Variants in ZFPM2 observed in about 807,000 individuals in gnomAD.
ZFPM2 encodes the protein zinc finger protein ZFPM2.
Under a neutral mutation model 98.6 loss-of-function variants are expected in ZFPM2, and 20 were observed. The ratio of observed to expected loss-of-function variants is 0.20; its 90% CI spans 0.14 to 0.29. ZFPM2 has a LOEUF of 0.29. ZFPM2 is among the 10% of genes least tolerant of loss of function. The pLI, the probability that ZFPM2 is intolerant of heterozygous loss-of-function variation, is 1.00. For synonymous variants in ZFPM2, 518 were observed against 502.7 expected, an observed-to-expected ratio of 1.03 and a Z score of -0.41; for missense variants, 1,310 against 1,388.6, an observed-to-expected ratio of 0.94 and a Z score of 0.90.
At chr8:105,502,857 G>A (rs1309895724) in intron 3 of ZFPM2, among the ~76,000 whole-genome samples, 1 of 152,112 alleles carries the variant, frequency 6.6e-6, no homozygotes. Context: ...CATACTCCAC[G>A]GTTGATTATC....
Position 105,754,103 on chromosome 8 carries a change from G to A in ZFPM2, c.533-34615G>A, listed in dbSNP as rs538126773. Among the ~76,000 whole-genome samples the A allele has an allele frequency of 7.2e-5, 11 of 152,172 alleles. No individual in the cohort carries two copies. The East Asian group carries it at 1.9e-3, about 27-fold the overall frequency. The stretch of plus-strand genomic sequence containing the variant: ...TTCTCATCAGTACTGTAGGAATAAG[G>A]CACACTGGCAATTCACCTTTTTTCC... On this transcript the variant is annotated intron_variant, in intron 5 of 7. Transcript: ENST00000407775.
chr8:105,513,026 A>G (rs1431022018), intron 3 of ZFPM2, among the ~76,000 whole-genome samples: 1 of 152,192 alleles, frequency 6.6e-6, no homozygotes, highest in Non-Finnish European at 1.5e-5. Flanking sequence ...TTAACTCTAC[A>G]TGATCAATGG....
intron 5 of ZFPM2, among the ~76,000 whole-genome samples, chr8:105,650,606 C>A (rs1817151282): frequency 6.6e-6 from 1 of 152,136 alleles, no homozygotes; most frequent in Non-Finnish European, 1.5e-5. Flanking sequence ...CAAAGAACAT[C>A]TTTATTTCTG....
At chr8:105,394,892 A>G (rs1449104858) in intron 1 of ZFPM2, among the ~76,000 whole-genome samples, 1 of 152,160 alleles carries the variant, frequency 6.6e-6, no homozygotes, top group Non-Finnish European at 1.5e-5. Flanking sequence ...GAAACAAGGG[A>G]TGCCTGTTTG....
intron 1 of ZFPM2, among the ~76,000 whole-genome samples, chr8:105,345,635 G>A (rs987288233): frequency 3.9e-5 from 6 of 151,952 alleles, no homozygotes; most frequent in Non-Finnish European, 1.5e-5. Flanking sequence ...ACTAGTTGAA[G>A]AGGAAGACAT....
At chr8:105,705,989 C>G (rs1357725865) in intron 5 of ZFPM2, among the ~76,000 whole-genome samples, 1 of 152,036 alleles carries the variant, frequency 6.6e-6, no homozygotes, top group African/African-American at 2.4e-5. Context: ...CTTTCACATG[C>G]ACCATACGAT....
intron 3 of ZFPM2, among the ~76,000 whole-genome samples, chr8:105,498,027 CA>C (rs1195802124): frequency 0.066 from 4,079 of 61,902 alleles, 116 homozygotes; most frequent in African/African-American, 0.2. Flanking sequence ...CCGTCTCTAC[CA>C]AAAAAAAAAA....
chr8:105,612,657 A>T (rs1314689592), intron 4 of ZFPM2, among the ~76,000 whole-genome samples: 1 of 152,216 alleles, frequency 6.6e-6, no homozygotes, highest in African/African-American at 2.4e-5. Flanking sequence ...TGGTTGGAGT[A>T]TGAAAGAATT....
intron 1 of ZFPM2, among the ~76,000 whole-genome samples, chr8:105,401,230 A>G (rs1354857711): frequency 1.6e-4 from 23 of 143,942 alleles, no homozygotes. Flanking sequence ...TAATTTAATA[A>G]TCATTTAATA....
intron 2 of ZFPM2, among the ~76,000 whole-genome samples, chr8:105,424,307 T>C (rs1361294822): frequency 3.3e-5 from 5 of 152,166 alleles, no homozygotes; most frequent in Non-Finnish European, 7.4e-5. Context: ...GCTATCAAAG[T>C]TGCTTTGGGA....
chr8:105,345,257 G>A (rs577736974), intron 1 of ZFPM2, among the ~76,000 whole-genome samples: 53 of 152,076 alleles, frequency 3.5e-4, no homozygotes, highest in African/African-American at 1.2e-3. Flanking sequence ...ATAGGTTACC[G>A]AATACTATAC....
intron 3 of ZFPM2, among the ~76,000 whole-genome samples, chr8:105,556,283 A>G (rs947542227): frequency 1.3e-5 from 2 of 152,286 alleles, no homozygotes; most frequent in African/African-American, 4.8e-5. Flanking sequence ...TGATTTGGAT[A>G]AAGGTGACAA....
At chr8:105,413,078 A>G (rs1040226859) in intron 1 of ZFPM2, among the ~76,000 whole-genome samples, 2 of 151,850 alleles carry the variant, frequency 1.3e-5, no homozygotes, top group African/African-American at 2.4e-5. Flanking sequence ...TTTTTCCCCA[A>G]TACTAATTGA....
At chr8:105,441,743 C>T (rs533193684) in intron 2 of ZFPM2, among the ~76,000 whole-genome samples, 2 of 152,200 alleles carry the variant, frequency 1.3e-5, no homozygotes, top group African/African-American at 4.8e-5. Flanking sequence ...TCAAAGACTA[C>T]TGGTATGGCC....
At chr8:105,658,025 T>C (rs1230259361) in intron 5 of ZFPM2, among the ~76,000 whole-genome samples, 1 of 152,196 alleles carries the variant, frequency 6.6e-6, no homozygotes, top group Non-Finnish European at 1.5e-5. Flanking sequence ...TGACCAGTGC[T>C]TCCATTGTAT....
intron 5 of ZFPM2, among the ~76,000 whole-genome samples, chr8:105,668,344 A>G (rs1237817545): frequency 6.6e-6 from 1 of 152,218 alleles, no homozygotes; most frequent in Non-Finnish European, 1.5e-5. Flanking sequence ...ATTTAGCTCT[A>G]GCTACTAAAT....
rs199680496 is a variant in ZFPM2 at position 105,545,668 on chromosome 8, A to G, written c.302-15695A>G. On this transcript the variant is annotated intron_variant, in intron 3 of 7. Coordinates refer to ENST00000407775, the MANE Select transcript of ZFPM2 (RefSeq NM_012082.4). ...TTGTTGTGAAAGTGAGACCACATAG[A>G]TAAAGAACTCAATATAATGTCTGCT... Among the ~76,000 whole-genome samples, 4 of 152,302 alleles carry G rather than the reference A, an allele frequency of 2.6e-5. No homozygotes were observed. In the East Asian group the frequency reaches 7.7e-4, roughly 29 times the overall value.
At chr8:105,715,086 G>A (rs1253211585) in intron 5 of ZFPM2, among the ~76,000 whole-genome samples, 2 of 151,952 alleles carry the variant, frequency 1.3e-5, no homozygotes, top group Non-Finnish European at 2.9e-5. Context: ...AGTTGCAACC[G>A]TAGATTGGCT....
intron 1 of ZFPM2, among the ~76,000 whole-genome samples, chr8:105,374,336 T>C (rs997601829): frequency 4.6e-5 from 7 of 152,326 alleles, no homozygotes; most frequent in African/African-American, 1.7e-4. Context: ...GTTCCAGAGA[T>C]ACTTACCAAT....
Sources: allele counts gnomAD v4.1 joint callset (sites outside exome capture counted in the v4.1 genomes callset), GRCh38; gene constraint gnomAD v4.1.1; transcripts MANE v1.5; gene names NCBI Gene and HGNC (gene_info 2026-07-23, HGNC 2026-07-21).